MROH2B: variants seen among roughly 807,000 people sequenced by gnomAD.
MROH2B encodes the protein maestro heat-like repeat-containing protein family member 2B.
Under a neutral mutation model 208.6 loss-of-function variants are expected in MROH2B, and 177 were observed. The ratio of observed to expected loss-of-function variants is 0.85; its 90% CI spans 0.75 to 0.96. MROH2B has a LOEUF of 0.96. Ranked by LOEUF, MROH2B falls within the 40% of genes least tolerant of loss-of-function variation. The pLI is 0.00. For missense variants in MROH2B, 2,002 were observed against 1,878.7 expected, an observed-to-expected ratio of 1.07 and a Z score of -1.21; for synonymous variants, 728 against 659.0, an observed-to-expected ratio of 1.10 and a Z score of -1.60.
chr5:41,004,334 A>G lies in MROH2B; in HGVS notation c.4194+12T>C. 6.2e-7 allele frequency: 1 copy of G among 1,609,292 alleles called. No homozygotes were observed. The highest frequency in any genetic ancestry group is 8.5e-7 in the Non-Finnish European group (1 of 1,178,482). The stretch of plus-strand genomic sequence containing the variant: ...CTTCTGGGGAGGGAAGTTCCTAAAC[A>G]GGCTCACTTACATCTTCAAAGAAGG... On this transcript the variant is annotated intron_variant, in intron 37 of 41. Coordinates refer to ENST00000399564, the MANE Select transcript of MROH2B (RefSeq NM_173489.5).
Position 41,000,215 on chromosome 5 carries a change from C to T in MROH2B, c.4482+5G>A. ...TTTTGGAGGCGGCATCTATTGGACACTCACCAGTTTCACACAGAATTGCCT... is the reference window on the plus strand; with the variant it reads ...TTTTGGAGGCGGCATCTATTGGACATTCACCAGTTTCACACAGAATTGCCT... On this transcript the variant is annotated splice_donor_5th_base_variant and intron_variant, in intron 39 of 41. Coordinates refer to ENST00000399564, the MANE Select transcript of MROH2B (RefSeq NM_173489.5). 3 of 1,613,608 alleles carry T rather than the reference C, an allele frequency of 1.9e-6. No individual in the cohort carries two copies. Among genetic ancestry groups the T allele is most frequent in the Non-Finnish European group, 2.5e-6 (3 of 1,179,716 alleles).
chr5:41,069,864 T>C (rs112544759), intron 1 of MROH2B, 112 bp from the exon 2 acceptor site: 1 of 689,650 alleles, frequency 1.5e-6, no homozygotes, highest in Non-Finnish European at 2.5e-6. Context: ...TCTCTCTCTC[T>C]CTCCCTTGAC....
chr5:41,005,413 A>AGCCCCCC lies in MROH2B; in HGVS notation c.3864+117_3864+118insGGGGGGC, dbSNP rs35848875. The AGCCCCCC allele has an allele frequency of 3.0e-3, 606 of 204,626 alleles. 116 individuals are homozygous for AGCCCCCC. The highest frequency in any genetic ancestry group is 4.6e-3 in the South Asian group (92 of 19,952). The allele number at this position is 204,626 out of a possible 1,614,324, so 12.7% of individuals were successfully genotyped here. ...CAGTAGCTGGTCTCTCCTCTATGAA[A>AGCCCCCC]CCCCCCCCCCCCTTGAAGTCTCTCT... On this transcript the variant is annotated intron_variant, in intron 35 of 41. Transcript: ENST00000399564.
chr5:41,042,973 T>C (rs1306097361), intron 18 of MROH2B, among the ~76,000 whole-genome samples: 1 of 152,190 alleles, frequency 6.6e-6, no homozygotes, highest in Non-Finnish European at 1.5e-5. Context: ...TAGTAACAGA[T>C]TGGCATTTAT....
At chr5:41,019,539 C>T (rs2111876411) in intron 24 of MROH2B, among the ~76,000 whole-genome samples, 1 of 152,254 alleles carries the variant, frequency 6.6e-6, no homozygotes, top group Non-Finnish European at 1.5e-5. Flanking sequence ...TCCTTTCTGC[C>T]TTTCTTTCAA....
rs1358213150 is a variant in MROH2B at position 41,009,440 on chromosome 5, G to A, written c.3294-34C>T. The A allele has an allele frequency of 1.9e-6, 3 of 1,608,896 alleles. No homozygotes were observed. The South Asian group carries it at 3.3e-5, about 18-fold the overall frequency. On this transcript the variant is annotated intron_variant, in intron 31 of 41. Coordinates refer to ENST00000399564, the MANE Select transcript of MROH2B (RefSeq NM_173489.5). ...GCAAAGCAGGAAATTGGTAGATAAG[G>A]CACAACCCCTCGGGCTGTAAGCTTT...
At chr5:41,039,622 C>T (rs1742881699) in intron 19 of MROH2B, 67 bp from the exon 20 acceptor site, 1 of 1,122,698 alleles carries the variant, frequency 8.9e-7, no homozygotes. Context: ...ATTTACTGAG[C>T]ACCTATTATG....
chr5:41,067,299 T>C (rs1579964296), intron 2 of MROH2B, 81 bp from the exon 3 acceptor site: 6 of 726,850 alleles, frequency 8.3e-6, no homozygotes, highest in Middle Eastern at 3.6e-4. Context: ...AATAACACCA[T>C]TAAAGTAAGC....
At chr5:41,063,533 A>G (rs1461309046) in intron 5 of MROH2B, among the ~76,000 whole-genome samples, 1 of 152,230 alleles carries the variant, frequency 6.6e-6, no homozygotes, top group African/African-American at 2.4e-5. Context: ...TTCTCAATAT[A>G]TATCAGATAA....
Position 41,000,299 on chromosome 5 carries a change from A to G in MROH2B, c.4403T>C (p.Leu1468Pro). 1.6e-5 allele frequency: 26 copies of G among 1,613,882 alleles called. No homozygotes were observed. Among genetic ancestry groups the G allele is most frequent in the Non-Finnish European group, 2.2e-5 (26 of 1,179,834 alleles). Residue 1468 changes from leucine (L) to proline (P), a missense_variant, in exon 39 of 42, where the codon CTC (leucine) becomes CCC (proline). Leu to Pro is a moderately conservative substitution (Grantham distance 98). Coordinates refer to ENST00000399564, the MANE Select transcript of MROH2B (RefSeq NM_173489.5). ...AAGGAGACGGTCTAATACCCCATAG[A>G]GCTCCTGGAGGCCCAAAAAGGGAAT... ...VCIPFLGLQE[L>P]YGVLDRLLDQ...
In MROH2B at chr5:41,009,294, C is replaced by G. The variant is rs569738332; in HGVS notation, c.3406G>C (p.Val1136Leu). Residue 1136 changes from valine (V) to leucine (L), a missense_variant, in exon 32 of 42, where the codon GTT becomes CTT. Physicochemically the swap from Val to Leu is conservative, Grantham distance 32. Coordinates refer to ENST00000399564, the MANE Select transcript of MROH2B (RefSeq NM_173489.5). ...GTCCAACTCACTGAAATTGCCTCAACCCTGGCGATGTCATCTTCTAACTCA... is the reference window on the plus strand; with the variant it reads ...GTCCAACTCACTGAAATTGCCTCAAGCCTGGCGATGTCATCTTCTAACTCA... The part of the protein sequence containing the change: ...ETELEDDIAR[V>L]EAISVACAMY... The G allele has an allele frequency of 6.2e-7, 1 of 1,613,842 alleles. No individual in the cohort carries two copies. The highest frequency in any genetic ancestry group is 1.3e-5 in the African/African-American group (1 of 75,038).
Position 41,071,130 on chromosome 5 carries a change from C to G in MROH2B, c.-278G>C. The G allele has an allele frequency of 2.6e-6, 1 of 388,800 alleles. No homozygotes were observed. Among genetic ancestry groups the G allele is most frequent in the East Asian group, 4.4e-5 (1 of 22,898 alleles). The allele number at this position is 388,800 out of a possible 1,614,324, so 24.1% of individuals were successfully genotyped here. The stretch of plus-strand genomic sequence containing the variant: ...GGCTGCATCTCACCAAATATTGTCC[C>G]TTTGGTGACCAGAGTATTTGGGAAA... On this transcript the variant is annotated 5_prime_UTR_variant, in exon 1 of 42. Transcript: ENST00000399564.
chr5:41,062,228 T>C (rs1230385447), intron 5 of MROH2B, among the ~76,000 whole-genome samples: 3 of 152,194 alleles, frequency 2.0e-5, no homozygotes, highest in African/African-American at 7.2e-5. Flanking sequence ...ATAGGTAGAA[T>C]TCTATTACAT....
At chr5:41,065,031 G>A (rs949840937) in intron 4 of MROH2B, among the ~76,000 whole-genome samples, 10 of 152,210 alleles carry the variant, frequency 6.6e-5, no homozygotes, top group Non-Finnish European at 1.5e-4. Context: ...CTTATTTCAT[G>A]TAAGTGTTCA....
rs76644938 is a variant in MROH2B at position 41,056,587 on chromosome 5, C to G, written c.919+522G>C. On this transcript the variant is annotated intron_variant, in intron 9 of 41. Coordinates refer to ENST00000399564, the MANE Select transcript of MROH2B (RefSeq NM_173489.5). ...CTGACCCTGGGATTTTGGTGCCCCCCGTGCATCCCATGTCAGGCCTTCTAA... is the reference window on the plus strand; with the variant it reads ...CTGACCCTGGGATTTTGGTGCCCCCGGTGCATCCCATGTCAGGCCTTCTAA... 1.5e-4 allele frequency among the ~76,000 whole-genome samples: 22 copies of G among 151,634 alleles called. No individual in the cohort carries two copies. The East Asian group carries it at 3.9e-3, about 27-fold the overall frequency.
intron 6 of MROH2B, among the ~76,000 whole-genome samples, chr5:41,060,665 C>T (rs1316524294): frequency 1.3e-5 from 2 of 152,192 alleles, no homozygotes; most frequent in Non-Finnish European, 2.9e-5. Context: ...GCTTCCCTCT[C>T]TGTGCACCCT....
intron 24 of MROH2B, among the ~76,000 whole-genome samples, chr5:41,022,072 T>C (rs1295780761): frequency 5.3e-5 from 8 of 152,032 alleles, no homozygotes; most frequent in Non-Finnish European, 1.2e-4. Flanking sequence ...GTAGAAGCGG[T>C]TCCAAGATGG....
chr5:41,000,659 G>GTCT lies in MROH2B; in HGVS notation c.4350+16_4350+18dup. On this transcript the variant is annotated intron_variant, in intron 38 of 41. Coordinates refer to ENST00000399564, the MANE Select transcript of MROH2B (RefSeq NM_173489.5). ...CATGGGGAGAGCAGGAGGTGCAGGTGTCTGTGGAGAGCACTTACAACTCCA... is the reference window on the plus strand; with the variant it reads ...CATGGGGAGAGCAGGAGGTGCAGGTGTCTTCTGTGGAGAGCACTTACAACTCCA... The GTCT allele has an allele frequency of 6.2e-7, 1 of 1,601,884 alleles. No homozygotes were observed. The highest frequency in any genetic ancestry group is 2.2e-5 in the East Asian group (1 of 44,798).
chr5:41,063,303 A>G (rs554866949), intron 5 of MROH2B, among the ~76,000 whole-genome samples: 1 of 152,328 alleles, frequency 6.6e-6, no homozygotes, highest in South Asian at 2.1e-4. Context: ...AGTGTAGTAT[A>G]GCTGCACAGG....
Sources: allele counts gnomAD v4.1 joint callset (sites outside exome capture counted in the v4.1 genomes callset), GRCh38; gene constraint gnomAD v4.1.1; transcripts MANE v1.5; gene names NCBI Gene and HGNC (gene_info 2026-07-23, HGNC 2026-07-21).